The following ROBO2 variants were observed in gnomAD, a reference collection of about 807,000 sequenced individuals.
The protein encoded by ROBO2 is roundabout guidance receptor 2, also known as roundabout homolog 2.
ROBO2 carries 53 observed loss-of-function variants against 160.8 expected under a neutral mutation model. The ratio of observed to expected loss-of-function variants is 0.33; its 90% CI spans 0.26 to 0.41. The LOEUF (loss-of-function observed/expected upper bound fraction) is 0.41, where lower values mean the gene tolerates loss of function less well. Among genes scored for constraint, ROBO2 ranks in the 10% least tolerant of loss-of-function variants. The pLI, the probability that ROBO2 is intolerant of heterozygous loss-of-function variation, is 1.00. For synonymous variants in ROBO2, 664 were observed against 611.7 expected, an observed-to-expected ratio of 1.09 and a Z score of -1.26; for missense variants, 1,577 against 1,722.4, an observed-to-expected ratio of 0.92 and a Z score of 1.49.
chr3:76,078,461 G>T (rs2068714406), intron 2 of ROBO2, among the ~76,000 whole-genome samples: 1 of 151,992 alleles, frequency 6.6e-6, no homozygotes, highest in African/African-American at 2.4e-5. Context: ...GACCTCCTAG[G>T]CTCAAGCAAT....
At chr3:76,901,125 G>A (rs2075192384) in intron 2 of ROBO2, among the ~76,000 whole-genome samples, 1 of 151,994 alleles carries the variant, frequency 6.6e-6, no homozygotes, top group African/African-American at 2.4e-5. Context: ...AAGTATGAGG[G>A]TTAGTATGGG....
chr3:77,332,083 T>C (rs1440085948), intron 2 of ROBO2, among the ~76,000 whole-genome samples: 3 of 152,218 alleles, frequency 2.0e-5, no homozygotes, highest in African/African-American at 7.2e-5. Flanking sequence ...TTAAAAACTC[T>C]GAAATGGCTT....
chr3:76,841,799 G>C (rs913634977), intron 2 of ROBO2, among the ~76,000 whole-genome samples: 1 of 152,162 alleles, frequency 6.6e-6, no homozygotes, highest in Non-Finnish European at 1.5e-5. Context: ...ATTCTCTTAA[G>C]GAGAATTAAA....
chr3:76,668,365 C>T (rs554201242), intron 2 of ROBO2, among the ~76,000 whole-genome samples: 2 of 152,218 alleles, frequency 1.3e-5, no homozygotes, highest in Non-Finnish European at 1.5e-5. Flanking sequence ...ACCTCAGCCT[C>T]CCAAAGTATT....
At chr3:76,076,544 A>G (rs1472271651) in intron 2 of ROBO2, among the ~76,000 whole-genome samples, 1 of 152,220 alleles carries the variant, frequency 6.6e-6, no homozygotes, top group Non-Finnish European at 1.5e-5. Context: ...TTTAGCTAGT[A>G]ATTAACAGTA....
intron 2 of ROBO2, among the ~76,000 whole-genome samples, chr3:76,109,613 C>A (rs181544038): frequency 6.6e-6 from 1 of 152,200 alleles, no homozygotes; most frequent in Non-Finnish European, 1.5e-5. Context: ...TGGCTCTTTA[C>A]TCTGGTGCTG....
intron 2 of ROBO2, among the ~76,000 whole-genome samples, chr3:76,748,541 A>G (rs1342119528): frequency 6.6e-6 from 1 of 151,704 alleles, no homozygotes; most frequent in Non-Finnish European, 1.5e-5. Flanking sequence ...ATGTAAATGA[A>G]ACATTAAAAC....
chr3:77,408,697 G>A (rs973583040), intron 2 of ROBO2, among the ~76,000 whole-genome samples: 3 of 151,926 alleles, frequency 2.0e-5, no homozygotes, highest in Non-Finnish European at 4.4e-5. Context: ...GACTTCTTCT[G>A]TTCCATCTTT....
At chr3:76,085,711 G>A (rs1333432610) in intron 2 of ROBO2, among the ~76,000 whole-genome samples, 2 of 152,152 alleles carry the variant, frequency 1.3e-5, no homozygotes, top group East Asian at 3.9e-4. Flanking sequence ...CCCATCAGCA[G>A]TAACACCTGT....
intron 2 of ROBO2, among the ~76,000 whole-genome samples, chr3:76,184,734 C>A (rs960132791): frequency 6.6e-6 from 1 of 152,012 alleles, no homozygotes; most frequent in African/African-American, 2.4e-5. Flanking sequence ...GAAGTCAATG[C>A]TGTAATTCTC....
chr3:76,721,672 A>C (rs2093469274), intron 2 of ROBO2, among the ~76,000 whole-genome samples: 1 of 152,218 alleles, frequency 6.6e-6, no homozygotes, highest in African/African-American at 2.4e-5. Context: ...TTTTGTTAAA[A>C]AATTCCAGCT....
At chr3:77,378,824 C>A (rs1360601936) in intron 2 of ROBO2, among the ~76,000 whole-genome samples, 1 of 152,094 alleles carries the variant, frequency 6.6e-6, no homozygotes, top group African/African-American at 2.4e-5. Context: ...CCGAAAAAAT[C>A]TTTACTTAAG....
intron 2 of ROBO2, among the ~76,000 whole-genome samples, chr3:76,996,861 G>T (rs1233208600): frequency 6.6e-6 from 1 of 152,100 alleles, no homozygotes; most frequent in African/African-American, 2.4e-5. Context: ...GCATGATTAA[G>T]TAAAGCATTG....
At chr3:76,094,593 A>C (rs1020085723) in intron 2 of ROBO2, among the ~76,000 whole-genome samples, 2 of 152,226 alleles carry the variant, frequency 1.3e-5, no homozygotes, top group African/African-American at 2.4e-5. Context: ...TAGAATGTGC[A>C]ATTATGTTAT....
At chr3:76,900,174 G>C (rs569259634) in intron 2 of ROBO2, among the ~76,000 whole-genome samples, 1 of 151,984 alleles carries the variant, frequency 6.6e-6, no homozygotes, top group Non-Finnish European at 1.5e-5. Context: ...TCACAAGAAC[G>C]GCACGGGAAA....
At chr3:77,294,684 C>A (rs553696341) in intron 2 of ROBO2, among the ~76,000 whole-genome samples, 1 of 148,162 alleles carries the variant, frequency 6.7e-6, no homozygotes, top group Non-Finnish European at 1.5e-5. Context: ...GATGGTTAAA[C>A]GGGTAAGCTG....
chr3:75,998,901 C>A (rs1174072999), intron 2 of ROBO2, among the ~76,000 whole-genome samples: 2 of 152,232 alleles, frequency 1.3e-5, no homozygotes, highest in East Asian at 3.9e-4. Flanking sequence ...CATACTCAGA[C>A]TTTAATTGTG....
At chr3:76,933,061 G>A (rs2077458749) in intron 2 of ROBO2, among the ~76,000 whole-genome samples, 2 of 122,210 alleles carry the variant, frequency 1.6e-5, no homozygotes, top group Non-Finnish European at 3.5e-5. Context: ...AAGTGGACAG[G>A]AAGTGAAACA....
At chr3:77,092,430 A>T (rs992344385) in intron 1 of ROBO2, among the ~76,000 whole-genome samples, 18 of 151,806 alleles carry the variant, frequency 1.2e-4, no homozygotes, top group African/African-American at 4.1e-4. Flanking sequence ...TGGACAATTT[A>T]TGTGACAATT....
Sources: allele counts gnomAD v4.1 joint callset (sites outside exome capture counted in the v4.1 genomes callset), GRCh38; gene constraint gnomAD v4.1.1; transcripts MANE v1.5; gene names NCBI Gene and HGNC (gene_info 2026-07-23, HGNC 2026-07-21).